Variants in MED17 observed in about 807,000 individuals in gnomAD.
The protein encoded by MED17 is mediator complex subunit 17, also known as mediator of RNA polymerase II transcription subunit 17.
In MED17, 49 loss-of-function variants were observed where a neutral mutation model predicts 80.8. That is an observed-to-expected ratio of 0.61 (90% CI 0.48 to 0.77). The LOEUF is 0.77. Ranked by LOEUF, MED17 falls within the 30% of genes least tolerant of loss-of-function variation. The pLI is 0.00. For synonymous variants in MED17, 281 were observed against 280.4 expected, an observed-to-expected ratio of 1.00 and a Z score of -0.02; for missense variants, 718 against 787.0, an observed-to-expected ratio of 0.91 and a Z score of 1.05.
chr11:93,811,030 A>G (rs1363512406), intron 11 of MED17: 3 of 152,318 alleles, frequency 2.0e-5, no homozygotes, highest in African/African-American at 7.2e-5. Flanking sequence ...TGTACTGAAT[A>G]CTATAGGCAG....
Position 93,811,877 on chromosome 11 carries a change from G to T in MED17, c.1769G>T (p.Ser590Ile). ...ISVRNGPESG[S>I]KIMVQFPRNQ... The stretch of plus-strand genomic sequence containing the variant: ...GTTCGTAATGGACCTGAAAGTGGCA[G>T]CAAGATTATGGTTCAGTTTCCTCGT... The change falls in exon 12 of 12, where the codon AGC becomes ATC. Residue 590 changes from serine (S) to isoleucine (I), a missense_variant. Ser to Ile is a moderately radical substitution (Grantham distance 142). Coordinates refer to ENST00000251871, the MANE Select transcript of MED17 (RefSeq NM_004268.5). 1 of 1,614,110 alleles carries T rather than the reference G, an allele frequency of 6.2e-7. No individual in the cohort carries two copies. Among genetic ancestry groups the T allele is most frequent in the South Asian group, 1.1e-5 (1 of 91,084 alleles).
intron 9 of MED17, among the ~76,000 whole-genome samples, chr11:93,804,269 T>C (rs981144759): frequency 2.0e-5 from 3 of 151,866 alleles, no homozygotes; most frequent in Non-Finnish European, 4.4e-5. Context: ...TTCTGCCTGT[T>C]TATATTCTAG....
intron 10 of MED17, 134 bp downstream of exon 10, chr11:93,807,769 C>T (rs1944041973): frequency 2.7e-6 from 2 of 733,934 alleles, no homozygotes; most frequent in Non-Finnish European, 5.0e-6. Context: ...AAATTAAATT[C>T]TGTTTAATTT....
intron 5 of MED17, 113 bp from the exon 6 acceptor site, chr11:93,794,795 T>G: frequency 1.8e-6 from 2 of 1,132,140 alleles, no homozygotes; most frequent in Non-Finnish European, 2.6e-6. Flanking sequence ...AAAAAGAATA[T>G]ACCGTAATGT....
Position 93,794,291 on chromosome 11 carries a change from A to G in MED17, c.859+256A>G, listed in dbSNP as rs1448605708. The stretch of plus-strand genomic sequence containing the variant: ...GCAGTCTCGGCTCACCGCAACGTCT[A>G]CCTCCCAGGTTCAAGCGATTCTCCT... On this transcript the variant is annotated intron_variant, in intron 5 of 11. Transcript: ENST00000251871. The G allele has an allele frequency of 2.0e-5, 7 of 353,588 alleles. No individual in the cohort carries two copies. In the East Asian group the frequency reaches 3.9e-4, roughly 20 times the overall value. The allele number at this position is 353,588 out of a possible 1,614,324, so 21.9% of individuals were successfully genotyped here.
At chr11:93,792,900 C>T (rs1371135672) in intron 3 of MED17, among the ~76,000 whole-genome samples, 1 of 152,000 alleles carries the variant, frequency 6.6e-6, no homozygotes, top group East Asian at 1.9e-4. Context: ...ATGATTACAC[C>T]ACCACACTGC....
In MED17 at chr11:93,791,787, A is replaced by G. The variant is rs144836281; in HGVS notation, c.637+994A>G. On this transcript the variant is annotated intron_variant, in intron 3 of 11. Coordinates refer to ENST00000251871, the MANE Select transcript of MED17 (RefSeq NM_004268.5). ...AAACAAACAAACAAAAAAACTCGAC[A>G]TGAAAGGAGGAAAGAAACTTTCTAT... 1.5e-3 allele frequency among the ~76,000 whole-genome samples: 225 copies of G among 152,218 alleles called. 1 individual carries two copies. Among genetic ancestry groups the G allele is most frequent in the African/African-American group, 5.1e-3 (210 of 41,508 alleles).
intron 8 of MED17, chr11:93,801,498 C>T (rs1253298354): frequency 1.6e-5 from 5 of 310,658 alleles, no homozygotes; most frequent in Non-Finnish European, 3.1e-5. Context: ...TAGGTTTATA[C>T]CGTAGAATAT....
intron 9 of MED17, 135 bp downstream of exon 9, chr11:93,802,107 G>GT: frequency 2.4e-6 from 2 of 819,474 alleles, no homozygotes; most frequent in Non-Finnish European, 3.8e-6. Flanking sequence ...AAGCTGTAGA[G>GT]TGTTTTTTTT....
At chr11:93,796,224 T>C (rs1426189237) in intron 6 of MED17, 186 bp from the exon 7 acceptor site, 12 of 577,416 alleles carry the variant, frequency 2.1e-5, no homozygotes, top group Non-Finnish European at 3.7e-5. Context: ...ATGCTGGGAT[T>C]GCAGGCGTGA....
At position 93,812,051 on chromosome 11, in the gene MED17, C is replaced by T; in HGVS notation, c.1943C>T (p.Pro648Leu). ...KMELLMSALS[P>L]CLL ...GAGCTGCTTATGTCTGCACTTAGCC[C>T]TTGTCTACTATGATTTTTTCCAGAT... Residue 648 changes from proline (P) to leucine (L), a missense_variant, in exon 12 of 12, where the codon CCT (proline) becomes CTT (leucine). Physicochemically the swap from Pro to Leu is moderately conservative, Grantham distance 98. Coordinates refer to ENST00000251871, the MANE Select transcript of MED17 (RefSeq NM_004268.5). 6.2e-7 allele frequency: 1 copy of T among 1,613,952 alleles called. No individual in the cohort carries two copies. The highest frequency in any genetic ancestry group is 8.5e-7 in the Non-Finnish European group (1 of 1,179,900).
chr11:93,805,735 A>G (rs1467063211), intron 9 of MED17, among the ~76,000 whole-genome samples: 5 of 152,192 alleles, frequency 3.3e-5, no homozygotes, highest in African/African-American at 9.7e-5. Flanking sequence ...TGTTGGTTAG[A>G]TTAATATATC....
At chr11:93,789,954 T>C (rs1943815021) in intron 2 of MED17, among the ~76,000 whole-genome samples, 1 of 152,098 alleles carries the variant, frequency 6.6e-6, no homozygotes, top group Admixed American at 6.6e-5. Context: ...CAAGACTCCA[T>C]CTCAAAAGAA....
Position 93,795,080 on chromosome 11 carries a change from G to T in MED17, c.1012+20G>T. 1 of 1,613,800 alleles carries T rather than the reference G, an allele frequency of 6.2e-7. No homozygotes were observed. Among genetic ancestry groups the T allele is most frequent in the Non-Finnish European group, 8.5e-7 (1 of 1,179,886 alleles). On this transcript the variant is annotated intron_variant, in intron 6 of 11. Transcript: ENST00000251871. ...TTCCGAGTAAGAGCAGCCCTTTTTC[G>T]ACTTTATGAACAGGACTTTGTGTTT...
chr11:93,798,104 T>C (rs1052022817), intron 8 of MED17, among the ~76,000 whole-genome samples: 7 of 152,268 alleles, frequency 4.6e-5, no homozygotes, highest in South Asian at 2.1e-4. Flanking sequence ...ACTTTCCTTA[T>C]GTTAACTTAT....
At chr11:93,794,821 T>G in intron 5 of MED17, 87 bp from the exon 6 acceptor site, 1 of 1,399,254 alleles carries the variant, frequency 7.1e-7, no homozygotes, top group Non-Finnish European at 1.0e-6. Flanking sequence ...TTTCCTAAAC[T>G]TTTGTCATAT....
chr11:93,785,392 A>G (rs1203673464), intron 1 of MED17, among the ~76,000 whole-genome samples: 3 of 152,214 alleles, frequency 2.0e-5, no homozygotes, highest in Admixed American at 6.5e-5. Flanking sequence ...CTAGGAGGGA[A>G]GTGAAGAAAT....
Position 93,796,414 on chromosome 11 carries a change from G to A in MED17, c.1017G>A (p.Leu339=), listed in dbSNP as rs2135714774. 4.3e-6 allele frequency: 7 copies of A among 1,611,816 alleles called. No individual in the cohort carries two copies. The highest frequency in any genetic ancestry group is 5.9e-6 in the Non-Finnish European group (7 of 1,178,190). Residue 339 remains leucine, a synonymous_variant, in exon 7 of 12, where the codon TTG becomes TTA. Coordinates refer to ENST00000251871, the MANE Select transcript of MED17 (RefSeq NM_004268.5). ...NQIISQPFPS[L]QLSISLCHSS... ...CCTCCTTCTTTTTATAAATAGGCTT[G>A]CAGTTATCTATTTCTTTGTGCCATT...
intron 1 of MED17, among the ~76,000 whole-genome samples, chr11:93,786,694 C>A (rs183895640): frequency 6.6e-6 from 1 of 152,112 alleles, no homozygotes; most frequent in Non-Finnish European, 1.5e-5. Flanking sequence ...TCTTAAATAC[C>A]TGATGTCAGG....
Sources: gnomAD v4.1 joint callset for allele counts (sites outside exome capture counted in the v4.1 genomes callset) on GRCh38, gnomAD v4.1.1 for gene constraint, MANE v1.5 for transcripts, NCBI Gene and HGNC (gene_info 2026-07-23, HGNC 2026-07-21) for gene names.